BCAR3: variants seen among roughly 807,000 people sequenced by gnomAD.
BCAR3 encodes breast cancer anti-estrogen resistance protein 3.
Under a neutral mutation model 80.1 loss-of-function variants are expected in BCAR3, and 37 were observed. That is an observed-to-expected ratio of 0.46 (90% CI 0.36 to 0.61). BCAR3 has a LOEUF of 0.61. Among genes scored for constraint, BCAR3 ranks in the 20% least tolerant of loss-of-function variants. The pLI is 0.00. For synonymous variants in BCAR3, 389 were observed against 418.9 expected (o/e 0.93, Z 0.87); for missense variants, 978 against 1,068.2 (o/e 0.92, Z 1.18).
chr1:93,667,027 T>C (rs1647951300), intron 2 of BCAR3, among the ~76,000 whole-genome samples: 1 of 152,166 alleles, frequency 6.6e-6, no homozygotes, highest in African/African-American at 2.4e-5. Flanking sequence ...CACCCTCACA[T>C]GAGATTGTAT....
chr1:93,603,570 C>T (rs1182188377), intron 3 of BCAR3, among the ~76,000 whole-genome samples: 1 of 152,234 alleles, frequency 6.6e-6, no homozygotes. Flanking sequence ...CTCATTAAAG[C>T]TCAGTGAAGC....
intron 8 of BCAR3, among the ~76,000 whole-genome samples, chr1:93,573,292 G>A (rs930694817): frequency 3.3e-5 from 5 of 152,146 alleles, no homozygotes; most frequent in Non-Finnish European, 5.9e-5. Context: ...AGCTACTCGA[G>A]TGGCTGAGGA....
chr1:93,717,510 A>G lies in BCAR3; in HGVS notation c.-62-11368T>C, dbSNP rs145385717. Among the ~76,000 whole-genome samples, 673 of 152,198 alleles carry G rather than the reference A, an allele frequency of 4.4e-3. 3 individuals carry two copies. Among genetic ancestry groups the G allele is most frequent in the African/African-American group, 0.016 (656 of 41,510 alleles). On this transcript the variant is annotated intron_variant, in intron 2 of 13. Coordinates refer to the BCAR3 transcript ENST00000370244. Reference sequence around the variant, plus strand: ...GAGGTCGAGGTAGGCGGATTGCCTGAGGTCAGGAGTTTGAGACCATCCTGG... The same window carrying G: ...GAGGTCGAGGTAGGCGGATTGCCTGGGGTCAGGAGTTTGAGACCATCCTGG...
chr1:93,653,333 T>C (rs1436084820), intron 2 of BCAR3, among the ~76,000 whole-genome samples: 1 of 152,232 alleles, frequency 6.6e-6, no homozygotes, highest in African/African-American at 2.4e-5. Context: ...CTGAGTAGGA[T>C]AAAGGCTCCC....
chr1:93,805,244 A>G (rs1433343839), intron 2 of BCAR3, among the ~76,000 whole-genome samples: 1 of 152,258 alleles, frequency 6.6e-6, no homozygotes, highest in African/African-American at 2.4e-5. Context: ...TTTCTTGGAA[A>G]CAGAAATAGA....
chr1:93,644,459 C>T lies in BCAR3; in HGVS notation c.318-2116G>A, dbSNP rs148619771. On this transcript the variant is annotated intron_variant, in intron 2 of 11. Transcript: ENST00000260502. Reference sequence around the variant, plus strand: ...CCTGGAAGCCCCTGCTTTGAGTTGTCCCACCTTTCTGGACCAAATCAATGT... The same window carrying T: ...CCTGGAAGCCCCTGCTTTGAGTTGTTCCACCTTTCTGGACCAAATCAATGT... 7.2e-4 allele frequency among the ~76,000 whole-genome samples: 109 copies of T among 152,306 alleles called. 3 individuals are homozygous for T. The East Asian group carries it at 0.019, about 26-fold the overall frequency.
intron 2 of BCAR3, among the ~76,000 whole-genome samples, chr1:93,721,811 G>T (rs752885526): frequency 5.3e-5 from 8 of 152,174 alleles, no homozygotes; most frequent in Non-Finnish European, 1.0e-4. Context: ...TGGAGCAAGG[G>T]TTCCTCAGGT....
Position 93,843,971 on chromosome 1 carries a change from C to T in BCAR3, c.-63+1596G>A, listed in dbSNP as rs538857949. ...CAAATATATACAGTAGAAGTATAGT[C>T]CATTTCCAGAGCTTCTGGGAAGGCC... is the stretch of plus-strand genomic sequence containing the variant. On this transcript the variant is annotated intron_variant, in intron 2 of 13. Transcript: ENST00000370244. 1.4e-3 allele frequency among the ~76,000 whole-genome samples: 214 copies of T among 152,266 alleles called. 1 individual carries two copies. Among genetic ancestry groups the T allele is most frequent in the Non-Finnish European group, 1.8e-3 (123 of 68,022 alleles).
chr1:93,689,864 T>C (rs1442926915), intron 3 of BCAR3, among the ~76,000 whole-genome samples: 3 of 152,204 alleles, frequency 2.0e-5, no homozygotes, highest in Non-Finnish European at 4.4e-5. Flanking sequence ...AACTCCCCTA[T>C]ACAGAAGGAG....
chr1:93,708,153 C>T (rs1168710912), intron 2 of BCAR3, among the ~76,000 whole-genome samples: 7 of 152,190 alleles, frequency 4.6e-5, no homozygotes, highest in Admixed American at 4.6e-4. Context: ...TTCTACTGCT[C>T]ACTTATATAG....
chr1:93,721,980 A>G (rs964935627), intron 2 of BCAR3, among the ~76,000 whole-genome samples: 1 of 152,188 alleles, frequency 6.6e-6, no homozygotes, highest in African/African-American at 2.4e-5. Flanking sequence ...GACAACTATT[A>G]TTATTATTAT....
intron 2 of BCAR3, among the ~76,000 whole-genome samples, chr1:93,728,404 T>C (rs573688298): frequency 7.9e-5 from 12 of 152,300 alleles, no homozygotes; most frequent in Non-Finnish European, 1.0e-4. Context: ...TCTTTTAGTT[T>C]TGCTGTCTAT....
chr1:93,687,085 G>GT (rs1454209024), intron 3 of BCAR3, among the ~76,000 whole-genome samples: 5 of 152,088 alleles, frequency 3.3e-5, no homozygotes, highest in African/African-American at 1.2e-4. Flanking sequence ...TCTATATCTG[G>GT]TTTTGCCTTT....
chr1:93,759,461 G>A (rs1324939936), intron 2 of BCAR3, among the ~76,000 whole-genome samples: 1 of 152,190 alleles, frequency 6.6e-6, no homozygotes, highest in Non-Finnish European at 1.5e-5. Flanking sequence ...ACCTGGCTGT[G>A]TTACCAAGCG....
At chr1:93,713,474 T>G (rs1650094884) in intron 2 of BCAR3, among the ~76,000 whole-genome samples, 1 of 152,152 alleles carries the variant, frequency 6.6e-6, no homozygotes, top group South Asian at 2.1e-4. Context: ...CTGTAGGAAT[T>G]ATGTTGAGGC....
intron 3 of BCAR3, among the ~76,000 whole-genome samples, chr1:93,620,939 G>A (rs1185651117): frequency 6.6e-6 from 1 of 152,198 alleles, no homozygotes; most frequent in Non-Finnish European, 1.5e-5. Context: ...GAATCTGCCA[G>A]AGTTACAGTG....
intron 3 of BCAR3, among the ~76,000 whole-genome samples, chr1:93,635,675 G>C (rs1195712412): frequency 6.6e-6 from 1 of 152,238 alleles, no homozygotes; most frequent in African/African-American, 2.4e-5. Context: ...GGCGGTGTTT[G>C]ATCTCTGGTC....
intron 3 of BCAR3, chr1:93,602,346 C>T (rs1174192129): frequency 6.6e-6 from 1 of 152,218 alleles, no homozygotes; most frequent in Non-Finnish European, 1.5e-5. Context: ...CCAGGTGGCC[C>T]AAGCTGGGGG....
intron 3 of BCAR3, among the ~76,000 whole-genome samples, chr1:93,614,824 T>C (rs1288090635): frequency 6.6e-6 from 1 of 152,062 alleles, no homozygotes; most frequent in African/African-American, 2.4e-5. Context: ...GCCACTCTGA[T>C]TACCCACTTT....
Sources: allele counts gnomAD v4.1 joint callset (sites outside exome capture counted in the v4.1 genomes callset), GRCh38; gene constraint gnomAD v4.1.1; transcripts MANE v1.5; gene names NCBI Gene and HGNC (gene_info 2026-07-23, HGNC 2026-07-21).